PDXDC1: variants seen among roughly 807,000 people sequenced by gnomAD.
The protein encoded by PDXDC1 is pyridoxal-dependent decarboxylase domain-containing protein 1.
PDXDC1 carries 42 observed loss-of-function variants against 100.1 expected under a neutral mutation model. The observed-to-expected ratio is 0.42, with a 90% CI of 0.33 to 0.54. The LOEUF is 0.54. Ranked by LOEUF, PDXDC1 falls within the 20% of genes least tolerant of loss-of-function variation. The pLI is 0.10. For synonymous variants in PDXDC1, 260 were observed against 371.7 expected (o/e 0.70, Z 3.46); for missense variants, 636 against 979.2 (o/e 0.65, Z 4.68).
At chr16:15,057,993 T>G (rs1361704475) in intron 16 of PDXDC1, among the ~76,000 whole-genome samples, 1 of 152,192 alleles carries the variant, frequency 6.6e-6, no homozygotes, top group East Asian at 1.9e-4. Flanking sequence ...TCCACAAATT[T>G]TGGTCTACAG....
At chr16:15,096,898 G>A (rs996878206) in intron 16 of PDXDC1, among the ~76,000 whole-genome samples, 3 of 151,948 alleles carry the variant, frequency 2.0e-5, no homozygotes, top group Admixed American at 6.6e-5. Flanking sequence ...TGAACCCCCG[G>A]CCCAAGTGAT....
chr16:15,122,453 G>A (rs559855989), intron 16 of PDXDC1, among the ~76,000 whole-genome samples: 5 of 142,938 alleles, frequency 3.5e-5, no homozygotes, highest in African/African-American at 1.3e-4. Flanking sequence ...GGACTCAAGT[G>A]ATCTGCCCAC....
At chr16:15,048,010 G>A (rs1391521775) in intron 16 of PDXDC1, 3 of 1,611,614 alleles carry the variant, frequency 1.9e-6, no homozygotes, top group Non-Finnish European at 8.5e-7. Flanking sequence ...CCTTTGGGGA[G>A]GTCACTGCAA....
chr16:15,086,562 G>C (rs2045924050), intron 16 of PDXDC1: 16 of 1,501,122 alleles, frequency 1.1e-5, no homozygotes, highest in Non-Finnish European at 1.3e-5. Flanking sequence ...GGGGGAAAAG[G>C]TCACAAACTT....
At chr16:14,997,883 G>T (rs561405981) in intron 2 of PDXDC1, 57 bp downstream of exon 2, 2 of 1,548,902 alleles carry the variant, frequency 1.3e-6, no homozygotes, top group Non-Finnish European at 1.7e-6. Context: ...GAAGCCAGTG[G>T]CTCTGGGTCC....
At position 15,033,264 on chromosome 16, in the gene PDXDC1, C is replaced by T. The variant is rs772777278; in HGVS notation, c.1691-14C>T. 2.2e-5 allele frequency: 35 copies of T among 1,613,872 alleles called. No individual in the cohort carries two copies. Among genetic ancestry groups the T allele is most frequent in the South Asian group, 5.5e-5 (5 of 91,084 alleles). On this transcript the variant is annotated splice_polypyrimidine_tract_variant and intron_variant, in intron 18 of 22. Coordinates refer to ENST00000396410, the MANE Select transcript of PDXDC1 (RefSeq NM_015027.4). ...AGGACTGAGAAACTCAAGTTTGTCT[C>T]GTTACCTTTGCAGGCCCTGAGTATA...
chr16:15,127,626 G>A, intron 16 of PDXDC1: 1 of 1,306,064 alleles, frequency 7.7e-7, no homozygotes. Context: ...CCACACAGGT[G>A]AGGCTGAGGG....
chr16:15,088,599 G>A (rs2045999238), intron 16 of PDXDC1, among the ~76,000 whole-genome samples: 1 of 152,012 alleles, frequency 6.6e-6, no homozygotes, highest in African/African-American at 2.4e-5. Context: ...TTGTATCTGG[G>A]AAAGAAGGCA....
intron 16 of PDXDC1, chr16:15,083,669 A>G: frequency 1.9e-6 from 3 of 1,563,034 alleles, no homozygotes; most frequent in Non-Finnish European, 2.6e-6. Context: ...AAAAGCAAAT[A>G]TTGATAGACA....
chr16:14,983,158 GA>G (rs1193698942), intron 1 of PDXDC1, among the ~76,000 whole-genome samples: 13 of 151,870 alleles, frequency 8.6e-5, no homozygotes, highest in Non-Finnish European at 1.0e-4. Flanking sequence ...TTCCTCTCCT[GA>G]AAAAAAAACT....
intron 1 of PDXDC1, among the ~76,000 whole-genome samples, chr16:14,977,665 A>G (rs1421400329): frequency 1.3e-4 from 20 of 152,396 alleles, no homozygotes; most frequent in African/African-American, 4.8e-4. Flanking sequence ...AGAAAAGAAA[A>G]AGCATTGCTG....
In PDXDC1 at chr16:15,047,366, AC is replaced by A. The variant is rs1344566007; in HGVS notation, c.1399+17311del. The A allele has an allele frequency of 3.2e-5, 31 of 963,836 alleles. No individual in the cohort carries two copies. The African/African-American group carries it at 4.1e-4, about 13-fold the overall frequency. The allele number at this position is 963,836 out of a possible 1,614,324, so 59.7% of individuals were successfully genotyped here. ...AGTGGTGGCATCCTGTGTTCCCCTAACAGCTTCCACAGCCACGTCCTGTATG... is the reference window on the plus strand; with the variant it reads ...AGTGGTGGCATCCTGTGTTCCCCTAAAGCTTCCACAGCCACGTCCTGTATG... On this transcript the variant is annotated intron_variant, in intron 16 of 16. Coordinates refer to the PDXDC1 transcript ENST00000535621.
intron 16 of PDXDC1, among the ~76,000 whole-genome samples, chr16:15,129,425 C>T (rs1185653686): frequency 1.1e-4 from 17 of 152,052 alleles, no homozygotes; most frequent in East Asian, 3.9e-4. Context: ...GGCAACAGAG[C>T]GAGACTCCGT....
chr16:15,013,297 C>T (rs1220990332), intron 8 of PDXDC1, among the ~76,000 whole-genome samples: 7 of 142,528 alleles, frequency 4.9e-5, no homozygotes, highest in African/African-American at 1.6e-4. Context: ...TGCAATGAGC[C>T]GAGATTGTGC....
chr16:14,986,328 G>T lies in PDXDC1; in HGVS notation c.21+11108G>T, dbSNP rs1200273481. 3.9e-5 allele frequency among the ~76,000 whole-genome samples: 6 copies of T among 152,400 alleles called. No homozygotes were observed. The East Asian group carries it at 9.7e-4, about 25-fold the overall frequency. On this transcript the variant is annotated intron_variant, in intron 1 of 22. Coordinates refer to ENST00000396410, the MANE Select transcript of PDXDC1 (RefSeq NM_015027.4). The stretch of plus-strand genomic sequence containing the variant: ...CTAAAAATACAAAAAAATTAGCTGG[G>T]CGTGATGGCGGGCACCTGGAATCCC...
the PDXDC1 span, among the ~76,000 whole-genome samples, chr16:15,144,396 C>A: frequency 6.6e-6 from 1 of 152,178 alleles, no homozygotes; most frequent in African/African-American, 2.4e-5. Flanking sequence ...TGAAAAAAAA[C>A]AGTGCAGCCC....
intron 16 of PDXDC1, chr16:15,135,697 G>A (rs1490266928): frequency 7.5e-6 from 12 of 1,594,292 alleles, no homozygotes; most frequent in African/African-American, 2.7e-5. Context: ...GCGTCTGGTC[G>A]CCATCCTCCA....
At chr16:15,060,874 C>G (rs1287325369) in intron 16 of PDXDC1, 2 of 152,226 alleles carry the variant, frequency 1.3e-5, no homozygotes, top group Non-Finnish European at 2.9e-5. Flanking sequence ...CAGATCAAAA[C>G]TGACTCGATC....
intron 1 of PDXDC1, among the ~76,000 whole-genome samples, chr16:14,985,487 A>G (rs532119609): frequency 2.1e-3 from 321 of 152,144 alleles, no homozygotes; most frequent in Admixed American, 3.7e-3. Context: ...CGGGGTTTCT[A>G]CTGTGTTAGC....
Sources: gnomAD v4.1 joint callset for allele counts (sites outside exome capture counted in the v4.1 genomes callset) on GRCh38, gnomAD v4.1.1 for gene constraint, MANE v1.5 for transcripts, NCBI Gene and HGNC (gene_info 2026-07-23, HGNC 2026-07-21) for gene names.